Variants in MPP3 observed in about 807,000 individuals in gnomAD.
The protein encoded by MPP3 is MAGUK p55 subfamily member 3.
A neutral mutation model predicts 80.7 loss-of-function variants in MPP3; 48 were observed. The observed-to-expected ratio is 0.59, with a 90% confidence interval of 0.47 to 0.76. The LOEUF (loss-of-function observed/expected upper bound fraction) is 0.76. Among genes scored for constraint, MPP3 ranks in the 30% least tolerant of loss-of-function variants. The probability of loss-of-function intolerance (pLI) is 0.00; values close to 1 mark genes in which losing one functional copy is unlikely to be tolerated. For missense variants in MPP3, 620 were observed against 763.0 expected (o/e 0.81, Z 2.21); for synonymous variants, 311 against 297.6 (o/e 1.04, Z -0.46).
intron 6 of MPP3, 73 bp from the exon 7 acceptor site, chr17:43,829,864 G>T: frequency 6.2e-7 from 1 of 1,603,464 alleles, no homozygotes. Context: ...CTGGCCGGTG[G>T]TATGGAGGGT....
At chr17:43,808,097 T>A (rs1197362197) in intron 19 of MPP3, among the ~76,000 whole-genome samples, 1 of 152,042 alleles carries the variant, frequency 6.6e-6, no homozygotes, top group Non-Finnish European at 1.5e-5. Flanking sequence ...TTTAAAAAAA[T>A]AATAATAAAA....
At chr17:43,822,678 TA>T (rs56125167) in intron 10 of MPP3, among the ~76,000 whole-genome samples, 12 of 59,048 alleles carry the variant, frequency 2.0e-4, no homozygotes, top group Non-Finnish European at 1.7e-4. Flanking sequence ...ACTCCCATCC[TA>T]AAAAAAAAAA....
rs757199092 is a variant in MPP3 at position 43,814,038 on chromosome 17, G to C, written c.1228C>G (p.Pro410Ala). The C allele has an allele frequency of 1.2e-6, 2 of 1,613,480 alleles. No individual in the cohort carries two copies. Among genetic ancestry groups the C allele is most frequent in the Admixed American group, 3.3e-5 (2 of 59,996 alleles). Reference sequence around the variant, plus strand: ...GGAACAGCGACGCCAAAGTGCTGTGGGTTCTCAGCCACCACCTTTTGCTTC... The same window carrying C: ...GGAACAGCGACGCCAAAGTGCTGTGCGTTCTCAGCCACCACCTTTTGCTTC... ...ELKQKVVAEN[P>A]QHFGVAVPHT... Residue 410 changes from proline (P) to alanine (A), a missense_variant, in exon 16 of 20, where the codon CCA becomes GCA. Transcript: ENST00000398389.
intron 19 of MPP3, among the ~76,000 whole-genome samples, chr17:43,806,631 T>C (rs886834126): frequency 5.9e-5 from 9 of 152,196 alleles, no homozygotes; most frequent in African/African-American, 1.9e-4. Context: ...GTTTTTGAGA[T>C]GGAGTTTTGC....
chr17:43,817,693 G>A (rs539383678), intron 12 of MPP3, among the ~76,000 whole-genome samples: 14 of 152,256 alleles, frequency 9.2e-5, no homozygotes, highest in African/African-American at 7.2e-5. Flanking sequence ...CCCTTCCAAC[G>A]CCAGTGCTTC....
intron 10 of MPP3, among the ~76,000 whole-genome samples, chr17:43,822,153 T>A (rs961971816): frequency 5.3e-5 from 8 of 152,326 alleles, no homozygotes; most frequent in Admixed American, 5.2e-4. Flanking sequence ...CTAGGAAGAA[T>A]CACTTTCCAC....
rs569277669 is a variant in MPP3 at position 43,820,850 on chromosome 17, C to G, written c.881+12G>C. On this transcript the variant is annotated intron_variant, in intron 11 of 19. Transcript: ENST00000398389. ...TCTGGAACCAGCCCTTCACAACATA[C>G]CCCAGACCCACCTCTCCTGGAACCC... 171 of 1,613,742 alleles carry G rather than the reference C, an allele frequency of 1.1e-4. 1 individual carries two copies. The East Asian group carries it at 2.6e-3, about 24-fold the overall frequency.
chr17:43,831,444 TG>T (rs1598374389), intron 4 of MPP3, 114 bp downstream of exon 4: 1 of 1,333,302 alleles, frequency 7.5e-7, no homozygotes, highest in Non-Finnish European at 1.1e-6. Context: ...TCCTGTGTAG[TG>T]GGCAAGTGAA....
At chr17:43,832,014 T>C (rs1380182547) in intron 2 of MPP3, 71 bp from the exon 3 acceptor site, 3 of 930,894 alleles carry the variant, frequency 3.2e-6, no homozygotes, top group Non-Finnish European at 5.2e-6. Context: ...TGACTACACA[T>C]CTACTGTGTT....
At chr17:43,824,885 C>T (rs1478853169) in intron 9 of MPP3, among the ~76,000 whole-genome samples, 1 of 152,162 alleles carries the variant, frequency 6.6e-6, no homozygotes, top group African/African-American at 2.4e-5. Context: ...AGCAATTCTC[C>T]TGCCTCAGCC....
At chr17:43,807,313 TAC>T (rs1240828920) in intron 19 of MPP3, among the ~76,000 whole-genome samples, 2 of 150,506 alleles carry the variant, frequency 1.3e-5, no homozygotes, top group Non-Finnish European at 3.0e-5. Flanking sequence ...TTCTTTTTTC[TAC>T]ATTTTTTTTT....
Position 43,818,122 on chromosome 17 carries a change from C to G in MPP3, c.882-12G>C. 6.5e-7 allele frequency: 1 copy of G among 1,528,614 alleles called. No individual in the cohort carries two copies. The highest frequency in any genetic ancestry group is 1.3e-5 in the South Asian group (1 of 79,598). 94.7% of individuals were successfully genotyped at this position (1,528,614 alleles called of 1,614,324 possible). A position where few individuals can be genotyped will look rare whatever the true frequency, so the allele number is the denominator to read the frequency against. ...GGTAGCTTAGTCGTCTGCAGGGACA[C>G]AAGGGGATGGGCGGGCCCGTGAGCT... On this transcript the variant is annotated splice_polypyrimidine_tract_variant and intron_variant, in intron 11 of 19. Coordinates refer to ENST00000398389, the MANE Select transcript of MPP3 (RefSeq NM_001932.6).
chr17:43,805,871 T>C (rs1256927713), intron 19 of MPP3, among the ~76,000 whole-genome samples: 1 of 152,220 alleles, frequency 6.6e-6, no homozygotes, highest in Non-Finnish European at 1.5e-5. Context: ...TTGACTGTGG[T>C]AGTTGCAACA....
intron 19 of MPP3, among the ~76,000 whole-genome samples, chr17:43,805,823 TC>T (rs1423121997): frequency 2.6e-5 from 4 of 152,244 alleles, no homozygotes; most frequent in Admixed American, 1.3e-4. Flanking sequence ...TCTAATGGGC[TC>T]AAGGTTTCTT....
At chr17:43,809,545 G>T (rs1246362430) in intron 18 of MPP3, among the ~76,000 whole-genome samples, 1 of 152,140 alleles carries the variant, frequency 6.6e-6, no homozygotes, top group East Asian at 1.9e-4. Context: ...CAAAGCAAAT[G>T]AGATTACTGA....
intron 3 of MPP3, 44 bp downstream of exon 3, chr17:43,831,836 CTT>C (rs982970431): frequency 6.4e-7 from 1 of 1,564,986 alleles, no homozygotes; most frequent in Non-Finnish European, 8.7e-7. Context: ...CAGGCAGGCT[CTT>C]GTCTTCAGGA....
chr17:43,830,001 G>A (rs1430430615), intron 6 of MPP3, 26 bp downstream of exon 6: 10 of 1,604,460 alleles, frequency 6.2e-6, no homozygotes, highest in Middle Eastern at 3.3e-4. Flanking sequence ...CAGAGGCATG[G>A]CTGGGCAGGG....
intron 9 of MPP3, chr17:43,824,964 C>T (rs181510065): frequency 1.8e-3 from 276 of 152,324 alleles, no homozygotes; most frequent in Non-Finnish European, 3.3e-3. Flanking sequence ...TTAGTAGAGA[C>T]GGGGTTTCAC....
At chr17:43,809,389 A>G (rs1473793855) in intron 18 of MPP3, among the ~76,000 whole-genome samples, 1 of 152,202 alleles carries the variant, frequency 6.6e-6, no homozygotes, top group Non-Finnish European at 1.5e-5. Context: ...TAACCTTCTC[A>G]GGCTCCTCTC....
Sources: allele counts gnomAD v4.1 joint callset (sites outside exome capture counted in the v4.1 genomes callset), GRCh38; gene constraint gnomAD v4.1.1; transcripts MANE v1.5; gene names NCBI Gene and HGNC (gene_info 2026-07-23, HGNC 2026-07-21).